Variants in C1orf21 observed in about 807,000 individuals in gnomAD.
The protein encoded by C1orf21 is chromosome 1 open reading frame 21.
Under a neutral mutation model 18.7 loss-of-function variants are expected in C1orf21, and 3 were observed. The ratio of observed to expected loss-of-function variants is 0.16; its 90% CI spans 0.07 to 0.42. The LOEUF (loss-of-function observed/expected upper bound fraction) is 0.42. Ranked by LOEUF, C1orf21 falls within the 10% of genes least tolerant of loss-of-function variation. The pLI is 0.99. For missense variants in C1orf21, 104 were observed against 143.6 expected, an observed-to-expected ratio of 0.72 and a Z score of 1.41; for synonymous variants, 41 against 46.4, an observed-to-expected ratio of 0.88 and a Z score of 0.47.
At chr1:184,585,756 A>G (rs1477621991) in intron 3 of C1orf21, among the ~76,000 whole-genome samples, 1 of 152,174 alleles carries the variant, frequency 6.6e-6, no homozygotes, top group Non-Finnish European at 1.5e-5. Context: ...TGCTAAGGAT[A>G]ATGGCCTTCA....
At position 184,598,392 on chromosome 1, in the gene C1orf21, G is replaced by C. The variant is rs1379557252; in HGVS notation, c.267-9G>C. On this transcript the variant is annotated splice_polypyrimidine_tract_variant and intron_variant, in intron 4 of 5. Coordinates refer to ENST00000235307, the MANE Select transcript of C1orf21 (RefSeq NM_030806.4). ...TAAAATATGCACTTAACTACCCTTT[G>C]TTTTTCAGCATGCACATCTCTGAAA... 6.2e-7 allele frequency: 1 copy of C among 1,612,798 alleles called. No individual in the cohort carries two copies. Among genetic ancestry groups the C allele is most frequent in the Admixed American group, 1.7e-5 (1 of 59,758 alleles).
At chr1:184,575,611 T>TAAA (rs59167087) in intron 3 of C1orf21, among the ~76,000 whole-genome samples, 22 of 83,418 alleles carry the variant, frequency 2.6e-4, no homozygotes, top group South Asian at 7.9e-4. Context: ...CACAAAAAGG[T>TAAA]AAAAAAAAAA....
At chr1:184,473,119 T>TTGGA (rs1276523618) in intron 1 of C1orf21, among the ~76,000 whole-genome samples, 1 of 152,222 alleles carries the variant, frequency 6.6e-6, no homozygotes, top group Admixed American at 6.5e-5. Context: ...GGGCAGTTAA[T>TTGGA]TGGACCTCAT....
intron 3 of C1orf21, among the ~76,000 whole-genome samples, chr1:184,544,692 T>C (rs962261379): frequency 6.6e-6 from 1 of 152,146 alleles, no homozygotes; most frequent in East Asian, 1.9e-4. Flanking sequence ...AAACAACAAA[T>C]ATTTATTATC....
At chr1:184,422,476 G>T (rs1398410624) in intron 1 of C1orf21, among the ~76,000 whole-genome samples, 3 of 152,108 alleles carry the variant, frequency 2.0e-5, no homozygotes, top group African/African-American at 7.2e-5. Flanking sequence ...TTTACAGGTG[G>T]AGAACTGAGG....
At chr1:184,501,969 T>A (rs1256509284) in intron 2 of C1orf21, among the ~76,000 whole-genome samples, 1 of 152,226 alleles carries the variant, frequency 6.6e-6, no homozygotes, top group Non-Finnish European at 1.5e-5. Flanking sequence ...ATAGGAAAAG[T>A]ATCCAGTGTC....
chr1:184,444,497 T>G (rs1160757714), intron 1 of C1orf21, among the ~76,000 whole-genome samples: 2 of 152,262 alleles, frequency 1.3e-5, no homozygotes, highest in East Asian at 1.9e-4. Flanking sequence ...CCCACTATGA[T>G]TCTGAGGCCT....
At chr1:184,565,008 C>G (rs1322439794) in intron 3 of C1orf21, among the ~76,000 whole-genome samples, 1 of 152,150 alleles carries the variant, frequency 6.6e-6, no homozygotes, top group Non-Finnish European at 1.5e-5. Context: ...TTCATCAAGT[C>G]CTTTACTCTC....
intron 3 of C1orf21, among the ~76,000 whole-genome samples, chr1:184,538,710 C>A (rs1013574771): frequency 7.2e-5 from 11 of 152,192 alleles, no homozygotes; most frequent in African/African-American, 2.7e-4. Flanking sequence ...GTTGGAAAGA[C>A]TCTCTTTTCT....
chr1:184,538,970 C>T (rs1203599335), intron 3 of C1orf21, among the ~76,000 whole-genome samples: 2 of 152,082 alleles, frequency 1.3e-5, no homozygotes, highest in African/African-American at 4.8e-5. Context: ...TTTTTCTTTA[C>T]AGTTTGAATA....
Position 184,408,724 on chromosome 1 carries a change from C to T in C1orf21, c.-125+21356C>T, listed in dbSNP as rs540918900. On this transcript the variant is annotated intron_variant, in intron 1 of 5. Transcript: ENST00000235307. Reference sequence around the variant, plus strand: ...TGAGGAGAGAGGAATCTCTGATAAGCTGCTAACTAGATAGAAAGTGAAGGC... The same window carrying T: ...TGAGGAGAGAGGAATCTCTGATAAGTTGCTAACTAGATAGAAAGTGAAGGC... 6.6e-5 allele frequency among the ~76,000 whole-genome samples: 10 copies of T among 152,272 alleles called. No individual in the cohort carries two copies. In the East Asian group the frequency reaches 1.5e-3, roughly 23 times the overall value.
At chr1:184,488,921 T>A (rs1367361747) in intron 2 of C1orf21, among the ~76,000 whole-genome samples, 2 of 152,102 alleles carry the variant, frequency 1.3e-5, no homozygotes, top group Non-Finnish European at 2.9e-5. Context: ...GCCAAGATCA[T>A]GCCACTGCAC....
chr1:184,576,651 C>A (rs1447628502), intron 3 of C1orf21, among the ~76,000 whole-genome samples: 2 of 152,252 alleles, frequency 1.3e-5, no homozygotes, highest in African/African-American at 4.8e-5. Flanking sequence ...CAGTCTATGG[C>A]AATGCTCAAC....
rs565331532 is a variant in C1orf21, at chr1:184,476,379, G to A, written c.-124-1007G>A. ...GAGGTAAGGGCCTGTATTACAGTGG[G>A]AGGGATGGAAACAAAGGAATGTGTA... On this transcript the variant is annotated intron_variant, in intron 1 of 5. Transcript: ENST00000235307. 2.0e-5 allele frequency among the ~76,000 whole-genome samples: 3 copies of A among 152,302 alleles called. No homozygotes were observed. In the South Asian group the frequency reaches 6.2e-4, roughly 32 times the overall value.
intron 5 of C1orf21, among the ~76,000 whole-genome samples, chr1:184,610,408 C>T (rs1659711297): frequency 6.6e-6 from 1 of 152,198 alleles, no homozygotes; most frequent in African/African-American, 2.4e-5. Context: ...TCTCGGACAT[C>T]AGTTCAGTAT....
intron 5 of C1orf21, among the ~76,000 whole-genome samples, chr1:184,611,339 T>C (rs527534973): frequency 6.6e-6 from 1 of 152,348 alleles, no homozygotes; most frequent in South Asian, 2.1e-4. Flanking sequence ...AAAGAGGCTC[T>C]GACACATCCA....
intron 3 of C1orf21, among the ~76,000 whole-genome samples, chr1:184,562,555 C>T (rs116669248): frequency 2.1e-3 from 318 of 152,264 alleles, no homozygotes; most frequent in African/African-American, 6.8e-3. Context: ...TCACCCCATA[C>T]GGGAGAAGCA....
intron 4 of C1orf21, among the ~76,000 whole-genome samples, chr1:184,596,857 C>T (rs1259138871): frequency 7.3e-6 from 1 of 137,752 alleles, no homozygotes; most frequent in Admixed American, 7.7e-5. Flanking sequence ...GGCGAAAGTG[C>T]GAGACGACTC....
intron 1 of C1orf21, among the ~76,000 whole-genome samples, chr1:184,404,555 ACC>A (rs1487979596): frequency 6.6e-6 from 1 of 152,098 alleles, no homozygotes; most frequent in African/African-American, 2.4e-5. Context: ...CACCAATTCT[ACC>A]CATGAGAGTA....
Sources: allele counts gnomAD v4.1 joint callset (sites outside exome capture counted in the v4.1 genomes callset), GRCh38; gene constraint gnomAD v4.1.1; transcripts MANE v1.5; gene names NCBI Gene and HGNC (gene_info 2026-07-23, HGNC 2026-07-21).